Variants in DIP2C observed in about 807,000 individuals in gnomAD.
DIP2C encodes DIP2 acetate--CoA ligase C (putative).
Under a neutral mutation model 192.4 loss-of-function variants are expected in DIP2C, and 33 were observed. The observed-to-expected ratio is 0.17, with a 90% confidence interval of 0.13 to 0.23. DIP2C has a LOEUF of 0.23. DIP2C is among the 10% of genes least tolerant of loss of function. DIP2C has a pLI of 1.00. For missense variants in DIP2C, 1,537 were observed against 2,110.1 expected (o/e 0.73, Z 5.32); for synonymous variants, 979 against 864.1 (o/e 1.13, Z -2.33).
Position 276,501 on chromosome 10 carries a change from AAC to A in DIP2C, c.*822_*823del, listed in dbSNP as rs1470358060. The stretch of plus-strand genomic sequence containing the variant: ...TGATACTATCCACGCAAGATAATAC[AAC>A]ACTTTTTTATATTAGCAAACATTAC... On this transcript the variant is annotated 3_prime_UTR_variant, in exon 37 of 37. Transcript: ENST00000280886. 1 of 152,662 alleles carries A rather than the reference AAC, an allele frequency of 6.6e-6. No homozygotes were observed. Among genetic ancestry groups the A allele is most frequent in the African/African-American group, 2.4e-5 (1 of 41,464 alleles). The allele number at this position is 152,662 out of a possible 1,614,324, so 9.5% of individuals were successfully genotyped here.
intron 3 of DIP2C, among the ~76,000 whole-genome samples, chr10:464,626 T>C (rs1970061922): frequency 6.6e-6 from 1 of 152,198 alleles, no homozygotes; most frequent in African/African-American, 2.4e-5. Flanking sequence ...ATCCCATTAC[T>C]GGGTATACAC....
At chr10:397,143 C>T (rs1964051919) in intron 10 of DIP2C, among the ~76,000 whole-genome samples, 1 of 152,122 alleles carries the variant, frequency 6.6e-6, no homozygotes, top group Non-Finnish European at 1.5e-5. Flanking sequence ...GCTGGAGTAG[C>T]CACAAAGACA....
At chr10:320,194 G>A (rs1456321794) in intron 31 of DIP2C, among the ~76,000 whole-genome samples, 1 of 152,182 alleles carries the variant, frequency 6.6e-6, no homozygotes, top group Non-Finnish European at 1.5e-5. Context: ...CTCTAGTCAA[G>A]TAAGGATATG....
intron 4 of DIP2C, among the ~76,000 whole-genome samples, chr10:429,950 A>G (rs1966841096): frequency 6.6e-6 from 1 of 152,154 alleles, no homozygotes; most frequent in Admixed American, 6.5e-5. Flanking sequence ...TAGTTTTGTA[A>G]GAAACCACCA....
intron 1 of DIP2C, among the ~76,000 whole-genome samples, chr10:523,080 C>G (rs1846810994): frequency 6.6e-6 from 1 of 152,084 alleles, no homozygotes; most frequent in Non-Finnish European, 1.5e-5. Context: ...CTCATTTCCA[C>G]CTGATGCAAA....
At chr10:362,992 C>T (rs2132723842) in intron 21 of DIP2C, among the ~76,000 whole-genome samples, 2 of 152,234 alleles carry the variant, frequency 1.3e-5, no homozygotes, top group African/African-American at 2.4e-5. Context: ...CCGGTAGGAA[C>T]CAGCTGTGCA....
chr10:408,531 GCT>G (rs1281310862), intron 9 of DIP2C, among the ~76,000 whole-genome samples: 1 of 152,214 alleles, frequency 6.6e-6, no homozygotes, highest in Non-Finnish European at 1.5e-5. Context: ...CAAAGCTCAT[GCT>G]CTTGTTGGTT....
At chr10:429,584 T>C (rs545118871) in intron 4 of DIP2C, among the ~76,000 whole-genome samples, 1 of 147,106 alleles carries the variant, frequency 6.8e-6, no homozygotes, top group South Asian at 2.3e-4. Flanking sequence ...ACTGATCTTT[T>C]TACTGTCTCC....
chr10:576,181 C>T (rs938169895), intron 1 of DIP2C, among the ~76,000 whole-genome samples: 2 of 152,218 alleles, frequency 1.3e-5, no homozygotes, highest in Non-Finnish European at 2.9e-5. Context: ...ACATGTCCAG[C>T]ATTTATAAAT....
At position 571,168 on chromosome 10, in the gene DIP2C, G is replaced by A. The variant is rs185344789; in HGVS notation, c.86-84638C>T. Among the ~76,000 whole-genome samples the A allele has an allele frequency of 2.7e-4, 41 of 152,328 alleles. No individual in the cohort carries two copies. The East Asian group carries it at 6.8e-3, about 25-fold the overall frequency. On this transcript the variant is annotated intron_variant, in intron 1 of 36. Coordinates refer to ENST00000280886, the MANE Select transcript of DIP2C (RefSeq NM_014974.3). ...ATGACAGGCCGCTCAGCTAAACCGGGAAAAATCCACAAAACAGAAAGAACC... is the reference window on the plus strand; with the variant it reads ...ATGACAGGCCGCTCAGCTAAACCGGAAAAAATCCACAAAACAGAAAGAACC...
intron 5 of DIP2C, among the ~76,000 whole-genome samples, chr10:420,560 C>CA (rs1484297800): frequency 1.7e-4 from 26 of 152,202 alleles, no homozygotes; most frequent in Non-Finnish European, 1.5e-5. Context: ...GGCCTCCTCT[C>CA]AGCTCCGAGG....
intron 2 of DIP2C, among the ~76,000 whole-genome samples, chr10:480,229 G>C (rs1843499674): frequency 6.7e-6 from 1 of 149,218 alleles, no homozygotes; most frequent in African/African-American, 2.5e-5. Flanking sequence ...CTGAGCTCCG[G>C]TCCATGCTCA....
At chr10:637,098 C>T (rs1289023862) in intron 1 of DIP2C, among the ~76,000 whole-genome samples, 1 of 152,274 alleles carries the variant, frequency 6.6e-6, no homozygotes, top group Non-Finnish European at 1.5e-5. Flanking sequence ...CGTCTGATTC[C>T]ACACGGTCCC....
At chr10:680,386 C>T (rs1275251749) in intron 1 of DIP2C, among the ~76,000 whole-genome samples, 2 of 152,192 alleles carry the variant, frequency 1.3e-5, no homozygotes, top group African/African-American at 4.8e-5. Context: ...ATGGCAGGCT[C>T]GGCAGCTGCT....
At chr10:463,402 C>A (rs377047968) in intron 3 of DIP2C, among the ~76,000 whole-genome samples, 89 of 152,200 alleles carry the variant, frequency 5.8e-4, no homozygotes, top group Admixed American at 1.7e-3. Flanking sequence ...ACAATTGCTA[C>A]AAAGAGAATA....
intron 3 of DIP2C, among the ~76,000 whole-genome samples, chr10:468,351 CAT>C (rs908486300): frequency 1.3e-5 from 2 of 152,114 alleles, no homozygotes; most frequent in African/African-American, 4.8e-5. Context: ...TGCCATGACA[CAT>C]AAAGGGGAGT....
intron 28 of DIP2C, 61 bp from the exon 29 acceptor site, chr10:341,390 A>G: frequency 6.2e-7 from 1 of 1,607,646 alleles, no homozygotes; most frequent in African/African-American, 1.3e-5. Flanking sequence ...ACCCGGGACA[A>G]TACGGGGCTG....
intron 1 of DIP2C, among the ~76,000 whole-genome samples, chr10:510,633 A>C (rs535926375): frequency 1.3e-5 from 2 of 152,362 alleles, no homozygotes; most frequent in East Asian, 3.9e-4. Flanking sequence ...AATGGGGATA[A>C]GCTGAACAAA....
At chr10:436,804 T>C (rs1469112992) in intron 4 of DIP2C, among the ~76,000 whole-genome samples, 5 of 136,416 alleles carry the variant, frequency 3.7e-5, no homozygotes, top group African/African-American at 1.5e-4. Flanking sequence ...CTCCGCCTCC[T>C]GGACATGGTA....
Sources: gnomAD v4.1 joint callset for allele counts (sites outside exome capture counted in the v4.1 genomes callset) on GRCh38, gnomAD v4.1.1 for gene constraint, MANE v1.5 for transcripts, NCBI Gene and HGNC (gene_info 2026-07-23, HGNC 2026-07-21) for gene names.